Variants in CYP26B1 observed in about 807,000 individuals in gnomAD.
CYP26B1 encodes cytochrome P450 family 26 subfamily B member 1.
CYP26B1 carries 8 observed loss-of-function variants against 39.1 expected under a neutral mutation model. The observed-to-expected ratio is 0.20, with a 90% CI of 0.12 to 0.37. CYP26B1 has a LOEUF of 0.37. CYP26B1 is among the 10% of genes least tolerant of loss of function. The pLI, the probability that CYP26B1 is intolerant of heterozygous loss-of-function variation, is 1.00. For synonymous variants in CYP26B1, 321 were observed against 314.3 expected (o/e 1.02, Z -0.23); for missense variants, 615 against 707.0 (o/e 0.87, Z 1.48).
intron 1 of CYP26B1, among the ~76,000 whole-genome samples, chr2:72,146,302 C>G (rs1677121562): frequency 7.4e-6 from 1 of 135,710 alleles, no homozygotes; most frequent in Non-Finnish European, 1.5e-5. Context: ...TAGAGCACCG[C>G]TGCAGTTGAC....
intron 2 of CYP26B1, among the ~76,000 whole-genome samples, chr2:72,137,652 C>T (rs550487492): frequency 6.6e-6 from 1 of 152,234 alleles, no homozygotes; most frequent in Non-Finnish European, 1.5e-5. Flanking sequence ...CGCCCTCTAG[C>T]GATGGCTGGT....
At chr2:72,134,160 C>A (rs879522903) in intron 4 of CYP26B1, among the ~76,000 whole-genome samples, 14 of 152,192 alleles carry the variant, frequency 9.2e-5, no homozygotes, top group Non-Finnish European at 2.1e-4. Context: ...GCAGGGGAGG[C>A]TGCAGTGAGT....
Position 72,144,054 on chromosome 2 carries a change from G to T in CYP26B1, c.364C>A (p.Arg122Ser). The change falls in exon 2 of 6, where the codon CGC (arginine) becomes AGC (serine). Residue 122 changes from arginine to serine, a missense_variant. Arg to Ser is a moderately radical substitution (Grantham distance 110). Coordinates refer to ENST00000001146, the MANE Select transcript of CYP26B1 (RefSeq NM_019885.4). ...LVSTEWPRSTRMLLGPNTVSN... is the reference protein window; with the variant it reads ...LVSTEWPRSTSMLLGPNTVSN... ...ACCGTGTTGGGGCCCAGCAACATGC[G>T]GGTGCTGCGAGGCCACTCGGTGCTC... 3 of 1,613,832 alleles carry T rather than the reference G, an allele frequency of 1.9e-6. No homozygotes were observed. Among genetic ancestry groups the T allele is most frequent in the African/African-American group, 2.7e-5 (2 of 75,066 alleles).
At position 72,133,128 on chromosome 2, in the gene CYP26B1, C is replaced by T. The variant is rs372265677; in HGVS notation, c.1041G>A (p.Thr347=). 4.6e-5 allele frequency: 75 copies of T among 1,613,018 alleles called. No homozygotes were observed. Among genetic ancestry groups the T allele is most frequent in the African/African-American group, 1.9e-4 (14 of 75,082 alleles). ...CPCEGTLRLD[T]LSGLRYLDCV... is the part of the protein sequence containing the mutation. The stretch of plus-strand genomic sequence containing the variant: ...AGTCCAGGTAGCGCAGCCCACTGAG[C>T]GTGTCCAGGCGCAGTGTGCCCTCGC... The change falls in exon 5 of 6, where the codon ACG becomes ACA. Residue 347 remains threonine, a synonymous_variant. Transcript: ENST00000001146.
intron 1 of CYP26B1, among the ~76,000 whole-genome samples, chr2:72,144,937 G>A (rs929064379): frequency 1.3e-5 from 2 of 152,204 alleles, no homozygotes; most frequent in African/African-American, 2.4e-5. Context: ...CGAGGATGGC[G>A]GGGCCGGGGC....
At chr2:72,145,683 C>G (rs1677104413) in intron 1 of CYP26B1, among the ~76,000 whole-genome samples, 1 of 152,146 alleles carries the variant, frequency 6.6e-6, no homozygotes, top group Non-Finnish European at 1.5e-5. Context: ...TGTGAATTTT[C>G]CGAGGTCGCC....
At position 72,142,749 on chromosome 2, in the gene CYP26B1, C is replaced by T. The variant is rs555211320; in HGVS notation, c.429+1240G>A. Among the ~76,000 whole-genome samples, 17 of 152,322 alleles carry T rather than the reference C, an allele frequency of 1.1e-4. No individual in the cohort carries two copies. In the South Asian group the frequency reaches 3.1e-3, roughly 28 times the overall value. ...CCCTTCCAGCCACTCCCCAGAACTC[C>T]TCTCCCGCCGCCCCCAGGCTGTGGT... On this transcript the variant is annotated intron_variant, in intron 2 of 5. Coordinates refer to ENST00000001146, the MANE Select transcript of CYP26B1 (RefSeq NM_019885.4).
chr2:72,133,425 T>C, intron 4 of CYP26B1, 118 bp from the exon 5 acceptor site: 1 of 1,312,638 alleles, frequency 7.6e-7, no homozygotes, highest in Non-Finnish European at 1.1e-6. Flanking sequence ...GCCTGGTTCC[T>C]GCAGTGAATT....
rs1283016501 is a variant in CYP26B1, at chr2:72,130,260, G to A, written c.*1967C>T. 3.3e-5 allele frequency: 5 copies of A among 152,286 alleles called. No homozygotes were observed. The highest frequency in any genetic ancestry group is 1.2e-4 in the African/African-American group (5 of 41,454). The allele number at this position is 152,286 out of a possible 1,614,324, so 9.4% of individuals were successfully genotyped here. On this transcript the variant is annotated 3_prime_UTR_variant, in exon 6 of 6. Transcript: ENST00000001146. ...GGGGGTACAGGTCCGGGTGCACCAT[G>A]TAGCTATGTTGCAAGCTTTGACAAG...
intron 2 of CYP26B1, chr2:72,143,039 G>A (rs1020894628): frequency 6.0e-6 from 1 of 167,146 alleles, no homozygotes; most frequent in Non-Finnish European, 1.5e-5. Context: ...GCCCCTGACG[G>A]AGGGAGTCCG....
At chr2:72,143,851 G>A (rs1677031880) in intron 2 of CYP26B1, 138 bp downstream of exon 2, 14 of 1,068,426 alleles carry the variant, frequency 1.3e-5, no homozygotes, top group Middle Eastern at 5.8e-4. Context: ...GGCCTTGTCG[G>A]CGGGGAACTG....
chr2:72,142,031 G>A (rs985197900), intron 2 of CYP26B1, among the ~76,000 whole-genome samples: 2 of 152,100 alleles, frequency 1.3e-5, no homozygotes, highest in Non-Finnish European at 1.5e-5. Context: ...TCTGAATAGG[G>A]AGCCATCGCG....
Position 72,147,553 on chromosome 2 carries a change from T to C in CYP26B1, c.204+78A>G. 7.0e-7 allele frequency: 1 copy of C among 1,433,142 alleles called. No individual in the cohort carries two copies. The highest frequency in any genetic ancestry group is 9.3e-7 in the Non-Finnish European group (1 of 1,078,778). The allele number at this position is 1,433,142 out of a possible 1,614,324, so 88.8% of individuals were successfully genotyped here. ...GTGCCTTCAGGCTCCCGGCGCCCCC[T>C]GGCCGGCCCGCCGCTCCGTCTGCCC... is the stretch of plus-strand genomic sequence containing the variant. On this transcript the variant is annotated intron_variant, in intron 1 of 5. Transcript: ENST00000001146. The surrounding 1 kb of genome is among the most constrained non-coding windows in gnomAD (Gnocchi z 6.1).
Position 72,130,618 on chromosome 2 carries a change from A to T in CYP26B1, c.*1609T>A, listed in dbSNP as rs1461401520. 1 of 152,174 alleles carries T rather than the reference A, an allele frequency of 6.6e-6. No homozygotes were observed. The highest frequency in any genetic ancestry group is 1.5e-5 in the Non-Finnish European group (1 of 68,026). 9.4% of individuals were successfully genotyped at this position (152,174 alleles called of 1,614,324 possible). A position where few individuals can be genotyped will look rare whatever the true frequency, so the allele number is the denominator to read the frequency against. On this transcript the variant is annotated 3_prime_UTR_variant, in exon 6 of 6. Coordinates refer to ENST00000001146, the MANE Select transcript of CYP26B1 (RefSeq NM_019885.4). The stretch of plus-strand genomic sequence containing the variant: ...GTAAAGGGGATTCATTGCTTTTACA[A>T]CATCAAAAACCAATAAACACAGAAA...
In CYP26B1 at chr2:72,147,469, G is replaced by T. The variant is rs1042327765; in HGVS notation, c.204+162C>A. On this transcript the variant is annotated intron_variant, in intron 1 of 5. Transcript: ENST00000001146. This position sits in a 1 kb window ranked among gnomAD's most constrained non-coding sequence, Gnocchi z 6.1. ...GTGGTCCCGGAACCGCGCTGCCGGC[G>T]GGCTGGGGAAGCCCGGGCTGCTGCG... 4.6e-5 allele frequency among the ~76,000 whole-genome samples: 7 copies of T among 152,234 alleles called. No homozygotes were observed. The highest frequency in any genetic ancestry group is 1.0e-4 in the Non-Finnish European group (7 of 68,038).
chr2:72,143,970 A>G lies in CYP26B1; in HGVS notation c.429+19T>C. The G allele has an allele frequency of 1.2e-6, 2 of 1,613,038 alleles. No homozygotes were observed. Among genetic ancestry groups the G allele is most frequent in the Non-Finnish European group, 1.7e-6 (2 of 1,179,898 alleles). On this transcript the variant is annotated intron_variant, in intron 2 of 5. Transcript: ENST00000001146. ...GGTGGGGGAGGGATTGCGCGGAAGA[A>G]AACGGGCAGAGTTCTTACCTTGCGC...
At chr2:72,144,431 C>T in intron 1 of CYP26B1, 4 of 1,354,470 alleles carry the variant, frequency 3.0e-6, no homozygotes, top group Non-Finnish European at 3.8e-6. Flanking sequence ...GGCGGAGGCC[C>T]AGGGGCACCC....
intron 2 of CYP26B1, among the ~76,000 whole-genome samples, chr2:72,138,032 T>C (rs920620080): frequency 1.3e-5 from 2 of 152,186 alleles, no homozygotes; most frequent in African/African-American, 4.8e-5. Context: ...TCTGAGGGCC[T>C]TTCTGCCAGG....
chr2:72,145,125 G>A (rs973068155), intron 1 of CYP26B1, among the ~76,000 whole-genome samples: 1 of 152,152 alleles, frequency 6.6e-6, no homozygotes, highest in African/African-American at 2.4e-5. Context: ...GGGGAGGGGC[G>A]CCACCTGTCT....
Sources: gnomAD v4.1 joint callset for allele counts (sites outside exome capture counted in the v4.1 genomes callset) on GRCh38, gnomAD v4.1.1 for gene constraint, Gnocchi (gnomAD v3.1) non-coding constraint, MANE v1.5 for transcripts, NCBI Gene and HGNC (gene_info 2026-07-23, HGNC 2026-07-21) for gene names.